The following ZNF483 variants were observed in gnomAD, a reference collection of about 807,000 sequenced individuals.
ZNF483 encodes the protein zinc finger protein HIT-10.
ZNF483 carries 9 observed loss-of-function variants against 28.6 expected under a neutral mutation model. The ratio of observed to expected loss-of-function variants is 0.32; its 90% confidence interval spans 0.19 to 0.55. The LOEUF (loss-of-function observed/expected upper bound fraction) is 0.55, where lower values mean the gene tolerates loss of function less well. Ranked by LOEUF, ZNF483 falls within the 20% of genes least tolerant of loss-of-function variation. The pLI is 0.93. For missense variants in ZNF483, 675 were observed against 871.7 expected (o/e 0.77, Z 2.84); for synonymous variants, 322 against 306.2 (o/e 1.05, Z -0.54).
At chr9:111,558,868 G>A (rs1374077468), downstream of ZNF483, among the ~76,000 whole-genome samples, 1 of 152,126 alleles carries the variant, frequency 6.6e-6, no homozygotes, top group Admixed American at 6.5e-5. Context: ...TTCTCTGACA[G>A]TGAGAAACTC....
chr9:111,554,509 A>C lies in ZNF483; in HGVS notation c.*11339A>C, dbSNP rs1828064392. Reference sequence around the variant, plus strand: ...CCCTTATCCATGGGGGATATGCTCCAAGACCTCGAGTGGATGCCTGCAACC... The same window carrying C: ...CCCTTATCCATGGGGGATATGCTCCCAGACCTCGAGTGGATGCCTGCAACC... On this transcript the variant is annotated 3_prime_UTR_variant, in exon 6 of 6. Transcript: ENST00000309235. Among the ~76,000 whole-genome samples, 1 of 152,128 alleles carries C rather than the reference A, an allele frequency of 6.6e-6. No individual in the cohort carries two copies. The highest frequency in any genetic ancestry group is 2.4e-5 in the African/African-American group (1 of 41,426).
Position 111,527,300 on chromosome 9 carries a change from C to G in ZNF483, c.-96C>G, listed in dbSNP as rs1827205731. On this transcript the variant is annotated 5_prime_UTR_variant, in exon 2 of 6. Transcript: ENST00000309235. ...AGGACTGTAAACTGGATTCCTGGAACCTTTGATATTCCTGGCTGTGTATAG... is the reference window on the plus strand; with the variant it reads ...AGGACTGTAAACTGGATTCCTGGAAGCTTTGATATTCCTGGCTGTGTATAG... 2 of 1,332,190 alleles carry G rather than the reference C, an allele frequency of 1.5e-6. No individual in the cohort carries two copies. Among genetic ancestry groups the G allele is most frequent in the Admixed American group, 2.3e-5 (1 of 43,734 alleles). The allele number at this position is 1,332,190 out of a possible 1,614,324, so 82.5% of individuals were successfully genotyped here.
rs150063985 is a variant in ZNF483, at chr9:111,565,938, G to A, written c.722-10427G>A. 2.9e-4 allele frequency among the ~76,000 whole-genome samples: 44 copies of A among 152,292 alleles called. No homozygotes were observed. In the East Asian group the frequency reaches 6.6e-3, roughly 23 times the overall value. ...GACTTAAAACCCACTAGGGCTGGGC[G>A]CGGTGGCTCACACGTATAATTCGAG... On this transcript the variant is annotated intron_variant, in intron 5 of 5. Transcript: ENST00000358151.
intron 2 of ZNF483, among the ~76,000 whole-genome samples, chr9:111,529,325 A>G (rs938644812): frequency 1.3e-5 from 2 of 152,236 alleles, no homozygotes; most frequent in African/African-American, 4.8e-5. Flanking sequence ...TTCTTAATTG[A>G]AAAAGAGCTG....
At position 111,554,170 on chromosome 9, in the gene ZNF483, T is replaced by C. The variant is rs764050199; in HGVS notation, c.*11000T>C. Among the ~76,000 whole-genome samples the C allele has an allele frequency of 5.0e-4, 76 of 152,186 alleles. 2 individuals carry two copies. Among genetic ancestry groups the C allele is most frequent in the Admixed American group, 1.3e-4 (2 of 15,270 alleles). ...CTATTGACATCACAAACTACTACTA[T>C]TATGTTATTGGAACTAACTACTTAG... On this transcript the variant is annotated 3_prime_UTR_variant, in exon 6 of 6. Coordinates refer to ENST00000309235, the MANE Select transcript of ZNF483 (RefSeq NM_133464.5).
chr9:111,566,976 C>T (rs10980949), intron 5 of ZNF483, among the ~76,000 whole-genome samples: 1 of 151,868 alleles, frequency 6.6e-6, no homozygotes, highest in South Asian at 2.1e-4. Flanking sequence ...GTTGTCCCAG[C>T]TACTCAGGAG....
intron 5 of ZNF483, chr9:111,575,362 A>G (rs1829014213): frequency 6.6e-6 from 1 of 152,392 alleles, no homozygotes; most frequent in Non-Finnish European, 1.5e-5. Context: ...CATACCTTTT[A>G]TAACTTATAC....
rs1048997382 is a variant in ZNF483 at position 111,552,434 on chromosome 9, A to G, written c.*9264A>G. ...AAATATTTTCAGTATGTATCATGCA[A>G]TAGAATAGAGCAATGAGGGAAAAGT... is the stretch of plus-strand genomic sequence containing the variant. On this transcript the variant is annotated 3_prime_UTR_variant, in exon 6 of 6. Transcript: ENST00000309235. Among the ~76,000 whole-genome samples the G allele has an allele frequency of 2.6e-5, 4 of 152,218 alleles. No homozygotes were observed. The highest frequency in any genetic ancestry group is 4.8e-5 in the African/African-American group (2 of 41,458).
rs1251980918 is a variant in ZNF483, at chr9:111,552,931, G to A, written c.*9761G>A. On this transcript the variant is annotated 3_prime_UTR_variant, in exon 6 of 6. Transcript: ENST00000309235. ...CTTTTCCTCATAATTTTCTAAATAC[G>A]ATAAAGTGATAATTTCTTCATCTCT... Among the ~76,000 whole-genome samples the A allele has an allele frequency of 6.6e-6, 1 of 151,992 alleles. No homozygotes were observed. The highest frequency in any genetic ancestry group is 1.5e-5 in the Non-Finnish European group (1 of 67,970).
intron 5 of ZNF483, among the ~76,000 whole-genome samples, chr9:111,562,419 G>C (rs1281000868): frequency 6.6e-6 from 1 of 151,922 alleles, no homozygotes; most frequent in East Asian, 1.9e-4. Context: ...GGGATTACAG[G>C]CATGTGCCAC....
Position 111,553,400 on chromosome 9 carries a change from T to C in ZNF483, c.*10230T>C, listed in dbSNP as rs1036011892. On this transcript the variant is annotated 3_prime_UTR_variant, in exon 6 of 6. Transcript: ENST00000309235. ...ATTTTTTTAACCTAGAAAATAATTATAATGAAAATATTAAGTATCTCATTT... is the reference window on the plus strand; with the variant it reads ...ATTTTTTTAACCTAGAAAATAATTACAATGAAAATATTAAGTATCTCATTT... Among the ~76,000 whole-genome samples, 2 of 152,220 alleles carry C rather than the reference T, an allele frequency of 1.3e-5. No homozygotes were observed. The highest frequency in any genetic ancestry group is 4.8e-5 in the African/African-American group (2 of 41,448).
In ZNF483 at chr9:111,542,208, G is replaced by A. The variant is rs1827690793; in HGVS notation, c.1273G>A (p.Ala425Thr). 6.2e-7 allele frequency: 1 copy of A among 1,614,040 alleles called. No individual in the cohort carries two copies. ...TCGGAAAGATTCATGTCAAGAAGCA[G>A]CCTTAAATAAAGATGAGGGAAATGA... ...KCRKDSCQEAALNKDEGNESG... is the reference protein window; with the variant it reads ...KCRKDSCQEATLNKDEGNESG... Residue 425 changes from alanine to threonine, a missense_variant, in exon 6 of 6, where the codon GCC (alanine) becomes ACC (threonine). Physicochemically the swap from Ala to Thr is moderately conservative, Grantham distance 58. Around this residue, in one of 6 missense-constraint regions of ZNF483, gnomAD observed 525 missense variants for 581.8 expected, o/e 0.90. Transcript: ENST00000309235. This position sits in a 1 kb window ranked among gnomAD's most constrained non-coding sequence, Gnocchi z 6.2.
chr9:111,534,203 C>T, intron 4 of ZNF483, 58 bp from the exon 5 acceptor site: 15 of 1,401,340 alleles, frequency 1.1e-5, no homozygotes, highest in South Asian at 4.7e-5. Flanking sequence ...TATGTGAATG[C>T]TGGGATATCT....
At chr9:111,539,465 G>C (rs774980619) in intron 5 of ZNF483, 1 of 455,526 alleles carries the variant, frequency 2.2e-6, no homozygotes, top group Non-Finnish European at 4.4e-6. Context: ...TTTGATAAAG[G>C]TTCAATAAGA....
intron 5 of ZNF483, among the ~76,000 whole-genome samples, chr9:111,565,684 C>T (rs749310813): frequency 1.5e-4 from 23 of 152,120 alleles, no homozygotes; most frequent in Middle Eastern, 3.4e-3. Context: ...CCACTGCACC[C>T]AGCTAATTTT....
In ZNF483 at chr9:111,554,434, T is replaced by C. The variant is rs1273178848; in HGVS notation, c.*11264T>C. 6.6e-6 allele frequency among the ~76,000 whole-genome samples: 1 copy of C among 152,190 alleles called. No homozygotes were observed. The highest frequency in any genetic ancestry group is 1.5e-5 in the Non-Finnish European group (1 of 68,036). ...ATAGATTATTTCTACCACAGTCTGT[T>C]CTTTCGGTCACCAAACTCTTTCTTC... On this transcript the variant is annotated 3_prime_UTR_variant, in exon 6 of 6. Transcript: ENST00000309235.
chr9:111,528,069 T>C, intron 2 of ZNF483: 1 of 1,365,252 alleles, frequency 7.3e-7, no homozygotes, highest in Non-Finnish European at 9.6e-7. Context: ...GGATATAATA[T>C]ATGGTGGATG....
At position 111,553,718 on chromosome 9, in the gene ZNF483, G is replaced by A. The variant is rs564584164; in HGVS notation, c.*10548G>A. ...TGTAGTTCTATCAAAATAAAGATAC[G>A]TTTAGTGGAAAAGTATTTGACTCTG... On this transcript the variant is annotated 3_prime_UTR_variant, in exon 6 of 6. Coordinates refer to ENST00000309235, the MANE Select transcript of ZNF483 (RefSeq NM_133464.5). Among the ~76,000 whole-genome samples, 39 of 152,284 alleles carry A rather than the reference G, an allele frequency of 2.6e-4. No homozygotes were observed. Among genetic ancestry groups the A allele is most frequent in the African/African-American group, 6.7e-4 (28 of 41,548 alleles).
Position 111,543,083 on chromosome 9 carries a change from G to A in ZNF483, c.2148G>A (p.Arg716=). The change falls in exon 6 of 6, where the codon AGG becomes AGA. Residue 716 remains arginine, a synonymous_variant. Transcript: ENST00000309235. ...AACACCTAAAAATTCATACCGGAAG[G>A]AGAGAATATGAATGTAACGAATGTG... ...LVEHLKIHTG[R]REYECNECEK... is the part of the protein sequence containing the mutation. The A allele has an allele frequency of 6.2e-6, 10 of 1,614,100 alleles. No homozygotes were observed. The highest frequency in any genetic ancestry group is 8.5e-6 in the Non-Finnish European group (10 of 1,180,000).
Sources: allele counts gnomAD v4.1 joint callset (sites outside exome capture counted in the v4.1 genomes callset), GRCh38; gene constraint gnomAD v4.1.1; regional missense constraint gnomAD v4.1.1; non-coding constraint Gnocchi (gnomAD v3.1); transcripts MANE v1.5; gene names NCBI Gene and HGNC (gene_info 2026-07-23, HGNC 2026-07-21).